NPHP4: variants seen among roughly 807,000 people sequenced by gnomAD.
NPHP4 encodes nephrocystin-4.
In NPHP4, 151 loss-of-function variants were observed where a neutral mutation model predicts 155.8. The observed-to-expected ratio is 0.97, with a 90% CI of 0.85 to 1.11. The LOEUF (loss-of-function observed/expected upper bound fraction) is 1.11. Among genes scored for constraint, NPHP4 ranks in the 50% least tolerant of loss-of-function variants. The pLI is 0.00. For synonymous variants in NPHP4, 845 were observed against 816.8 expected, an observed-to-expected ratio of 1.03 and a Z score of -0.59; for missense variants, 1,956 against 1,925.7, an observed-to-expected ratio of 1.02 and a Z score of -0.29.
At chr1:5,883,888 G>A (rs999696793) in intron 18 of NPHP4, among the ~76,000 whole-genome samples, 7 of 148,336 alleles carry the variant, frequency 4.7e-5, no homozygotes, top group South Asian at 2.1e-4. Flanking sequence ...TGGGGCAGGC[G>A]ACCAGCATTC....
chr1:5,963,492 A>C (rs116753221), intron 5 of NPHP4, among the ~76,000 whole-genome samples: 1,633 of 152,216 alleles, frequency 0.011, 28 homozygotes, highest in African/African-American at 0.037. Flanking sequence ...AATACTGCTA[A>C]AGGTATTTGA....
Position 5,863,936 on chromosome 1 carries a change from T to C in NPHP4, c.4094A>G (p.His1365Arg). The C allele has an allele frequency of 6.2e-7, 1 of 1,613,874 alleles. No homozygotes were observed. Among genetic ancestry groups the C allele is most frequent in the Non-Finnish European group, 8.5e-7 (1 of 1,179,846 alleles). ...PYPSRRTFHL[H>R]SDHPELLRFR... is the part of the protein sequence containing the mutation. ...CCGCAGCAGCTCCGGGTGGTCGCTG[T>C]GCAGGTGGAATGTCCTCCGGGAGGG... The change falls in exon 29 of 30, where the codon CAC becomes CGC. Residue 1365 changes from histidine to arginine, a missense_variant. Physicochemically the swap from His to Arg is conservative, Grantham distance 29. Transcript: ENST00000378156.
intron 20 of NPHP4, 130 bp from the exon 21 acceptor site, chr1:5,875,230 C>G (rs745367236): frequency 3.5e-5 from 26 of 743,450 alleles, no homozygotes; most frequent in South Asian, 8.1e-5. Flanking sequence ...ACCACCACCC[C>G]CTTCCTTGAC....
At chr1:5,920,089 G>A (rs759322013) in intron 11 of NPHP4, among the ~76,000 whole-genome samples, 12 of 152,182 alleles carry the variant, frequency 7.9e-5, no homozygotes, top group African/African-American at 2.4e-4. Flanking sequence ...GTGCCACCAC[G>A]CCAGCTGATT....
chr1:5,896,595 T>C (rs1203679970), intron 16 of NPHP4, among the ~76,000 whole-genome samples: 3 of 152,180 alleles, frequency 2.0e-5, no homozygotes, highest in African/African-American at 7.2e-5. Context: ...ATACAAATAA[T>C]AGAAGGAAAT....
intron 16 of NPHP4, among the ~76,000 whole-genome samples, chr1:5,891,837 C>A (rs911016055): frequency 6.6e-6 from 1 of 152,212 alleles, no homozygotes; most frequent in Admixed American, 6.5e-5. Flanking sequence ...GTCCTCTCCA[C>A]CCAGGCTCCA....
chr1:5,932,887 A>G (rs1358641220), intron 10 of NPHP4, among the ~76,000 whole-genome samples: 1 of 152,226 alleles, frequency 6.6e-6, no homozygotes, highest in Non-Finnish European at 1.5e-5. Flanking sequence ...TCTTGCTGCA[A>G]AGTGTGTACA....
intron 3 of NPHP4, among the ~76,000 whole-genome samples, chr1:5,970,910 C>G (rs2102275646): frequency 6.6e-6 from 1 of 152,190 alleles, no homozygotes; most frequent in South Asian, 2.1e-4. Flanking sequence ...AAATAATGAC[C>G]ACTTACAGCT....
rs767922279 is a variant in NPHP4 at position 5,944,663 on chromosome 1, A to T, written c.1119+2441T>A. 2.6e-5 allele frequency among the ~76,000 whole-genome samples: 4 copies of T among 152,250 alleles called. No individual in the cohort carries two copies. The highest frequency in any genetic ancestry group is 5.9e-5 in the Non-Finnish European group (4 of 68,040). ...CCAGTATTCCCAGTTACAATCGACC[A>T]GCACATCGGAAAGTACCAATGACTG... On this transcript the variant is annotated intron_variant, in intron 9 of 29. Transcript: ENST00000378156. The surrounding 1 kb of genome is among the most constrained non-coding windows in gnomAD (Gnocchi z 4.3).
intron 17 of NPHP4, among the ~76,000 whole-genome samples, chr1:5,888,923 G>A (rs1164294175): frequency 6.6e-6 from 1 of 152,180 alleles, no homozygotes; most frequent in East Asian, 1.9e-4. Context: ...ATGGTAAATA[G>A]CACAAGCCCC....
chr1:5,914,286 A>AAAAAAAAAAAAAAAAAAAAAAAAAAAAG (rs70977991), intron 11 of NPHP4, among the ~76,000 whole-genome samples: 1 of 139,874 alleles, frequency 7.1e-6, no homozygotes, highest in African/African-American at 3.0e-5. Flanking sequence ...AAAAAAAAAA[A>AAAAAAAAAAAAAAAAAAAAAAAAAAAAG]GGCCTGGTGT....
intron 2 of NPHP4, among the ~76,000 whole-genome samples, chr1:5,984,469 G>C (rs1655168184): frequency 6.6e-6 from 1 of 152,048 alleles, no homozygotes; most frequent in Non-Finnish European, 1.5e-5. Flanking sequence ...AGGGGGAGGA[G>C]GTTTACAGTG....
At position 5,892,967 on chromosome 1, in the gene NPHP4, T is replaced by C. The variant is rs1312382967; in HGVS notation, c.2144-1939A>G. 1.3e-5 allele frequency among the ~76,000 whole-genome samples: 2 copies of C among 152,126 alleles called. No homozygotes were observed. Among genetic ancestry groups the C allele is most frequent in the Admixed American group, 6.5e-5 (1 of 15,276 alleles). ...CAGAAAACACAGTAATGGTAGAAAC[T>C]AACCACTCTCCATTCAAAGGCAGAT... is the stretch of plus-strand genomic sequence containing the variant. On this transcript the variant is annotated intron_variant, in intron 16 of 29. Transcript: ENST00000378156. This position sits in a 1 kb window ranked among gnomAD's most constrained non-coding sequence, Gnocchi z 4.5.
chr1:5,919,957 G>A (rs1297693269), intron 11 of NPHP4, among the ~76,000 whole-genome samples: 2 of 152,218 alleles, frequency 1.3e-5, no homozygotes, highest in Admixed American at 6.5e-5. Flanking sequence ...TCTAGAGACA[G>A]AGTCTCACTC....
In NPHP4 at chr1:5,899,315, T is replaced by C. The variant is rs534750170; in HGVS notation, c.2143+5302A>G. Among the ~76,000 whole-genome samples, 3 of 152,246 alleles carry C rather than the reference T, an allele frequency of 2.0e-5. No individual in the cohort carries two copies. In the South Asian group the frequency reaches 6.2e-4, roughly 32 times the overall value. On this transcript the variant is annotated intron_variant, in intron 16 of 29. Coordinates refer to ENST00000378156, the MANE Select transcript of NPHP4 (RefSeq NM_015102.5). The stretch of plus-strand genomic sequence containing the variant: ...TCACAGAATCACCCGACACTGGGCT[T>C]CTCTACAGCCAGGAAAACAGAAACG...
At chr1:5,987,543 C>G (rs756846430) in intron 1 of NPHP4, among the ~76,000 whole-genome samples, 2 of 152,080 alleles carry the variant, frequency 1.3e-5, no homozygotes, top group African/African-American at 2.4e-5. Context: ...TGAGGTCCTC[C>G]CAACCTCTCA....
At chr1:5,868,184 G>C (rs1641467951) in intron 23 of NPHP4, 1 of 490,810 alleles carries the variant, frequency 2.0e-6, no homozygotes, top group Non-Finnish European at 3.8e-6. Flanking sequence ...TTAAATGCCA[G>C]TGGAGAAGGT....
intron 23 of NPHP4, among the ~76,000 whole-genome samples, chr1:5,869,062 CAT>C (rs1303722422): frequency 7.2e-6 from 1 of 138,344 alleles, no homozygotes; most frequent in African/African-American, 2.7e-5. Flanking sequence ...CACGCACACA[CAT>C]GCATGCCCAC....
At chr1:5,893,751 G>C (rs142664843) in intron 16 of NPHP4, among the ~76,000 whole-genome samples, 1 of 152,144 alleles carries the variant, frequency 6.6e-6, no homozygotes, top group African/African-American at 2.4e-5. Context: ...TCCCTTTCCC[G>C]GTCTGCTAAG....
Sources: gnomAD v4.1 joint callset for allele counts (sites outside exome capture counted in the v4.1 genomes callset) on GRCh38, gnomAD v4.1.1 for gene constraint, Gnocchi (gnomAD v3.1) non-coding constraint, MANE v1.5 for transcripts, NCBI Gene and HGNC (gene_info 2026-07-23, HGNC 2026-07-21) for gene names.